Variants in ZNF233 observed in about 807,000 individuals in gnomAD.
The protein encoded by ZNF233 is zinc finger protein 233.
Under a neutral mutation model 11.6 loss-of-function variants are expected in ZNF233, and 7 were observed. The observed-to-expected ratio is 0.60, with a 90% CI of 0.34 to 1.13. The LOEUF is 1.13. Ranked by LOEUF, ZNF233 falls within the 50% of genes most tolerant of loss-of-function variation. ZNF233 has a pLI of 0.03. For missense variants in ZNF233, 711 were observed against 785.5 expected (o/e 0.91, Z 1.13); for synonymous variants, 226 against 268.5 (o/e 0.84, Z 1.55).
rs1343658667 is a variant in ZNF233 at position 44,274,107 on chromosome 19, G to C, written c.1447G>C (p.Asp483His). 1 of 1,613,800 alleles carries C rather than the reference G, an allele frequency of 6.2e-7. No individual in the cohort carries two copies. Among genetic ancestry groups the C allele is most frequent in the Non-Finnish European group, 8.5e-7 (1 of 1,179,930 alleles). ...CACTGGAGAGAAACCCTACAAATGT[G>C]ATGTGTGTGATAAGAACTTCAGCCG... ...IHTGEKPYKC[D>H]VCDKNFSRNS... is the part of the protein sequence containing the mutation. Residue 483 changes from aspartate to histidine, a missense_variant, in exon 5 of 5, where the codon GAT becomes CAT. Asp to His is a moderately conservative substitution (Grantham distance 81). Transcript: ENST00000683810.
rs749038824 is a variant in ZNF233, at chr19:44,274,102, AATGTG to A, written c.1448_1452del (p.Asp483ValfsTer2). On this transcript the variant is annotated frameshift_variant, in exon 5 of 5. Transcript: ENST00000683810. LOFTEE classifies it low-confidence loss of function (END_TRUNC). ...ATCCACACTGGAGAGAAACCCTACA[AATGTG>A]ATGTGTGTGATAAGAACTTCAGCCG... The A allele has an allele frequency of 1.2e-6, 2 of 1,613,962 alleles. No individual in the cohort carries two copies. The highest frequency in any genetic ancestry group is 1.7e-6 in the Non-Finnish European group (2 of 1,179,948).
rs1975303566 is a variant in ZNF233 at position 44,273,585 on chromosome 19, A to G, written c.925A>G (p.Ile309Val). ...SGLPRHQCFH[I>V]GEKCYRNGDS... ...GCTTCCCAGGCATCAGTGTTTCCAC[A>G]TAGGAGAGAAATGCTATAGGAATGG... Residue 309 changes from isoleucine to valine, a missense_variant, in exon 5 of 5, where the codon ATA becomes GTA. By Grantham distance (29) the Ile-to-Val change is conservative. Coordinates refer to ENST00000683810, the MANE Select transcript of ZNF233 (RefSeq NM_001207005.2). 3 of 1,614,208 alleles carry G rather than the reference A, an allele frequency of 1.9e-6. No homozygotes were observed. The highest frequency in any genetic ancestry group is 1.1e-5 in the South Asian group (1 of 91,090).
chr19:44,261,613 C>G (rs1379442964), intron 1 of ZNF233, among the ~76,000 whole-genome samples: 2 of 150,414 alleles, frequency 1.3e-5, no homozygotes, highest in Non-Finnish European at 2.9e-5. Context: ...ACATTATCCA[C>G]AGTCTATGGA....
Position 44,274,399 on chromosome 19 carries a change from A to AGG in ZNF233, c.1739_1740insGG (p.Ala581GlufsTer126). ...GGCTTCAGTTGGAGTTCACATCTTC[A>AGG]AGCCCATCAGAGAGTCCACACAGGA... On this transcript the variant is annotated frameshift_variant, in exon 5 of 5. Transcript: ENST00000683810. LOFTEE classifies it low-confidence loss of function (END_TRUNC). The AGG allele has an allele frequency of 6.2e-7, 1 of 1,614,212 alleles. No individual in the cohort carries two copies. The highest frequency in any genetic ancestry group is 2.2e-5 in the East Asian group (1 of 44,884).
chr19:44,266,717 C>G, intron 3 of ZNF233, 149 bp from the exon 4 acceptor site: 1 of 539,642 alleles, frequency 1.9e-6, no homozygotes, highest in Non-Finnish European at 3.3e-6. Context: ...ATTTGTGTAC[C>G]GGATCACAAA....
At position 44,273,208 on chromosome 19, in the gene ZNF233, G is replaced by C. The variant is rs144014948; in HGVS notation, c.548G>C (p.Trp183Ser). 1.1e-5 allele frequency: 18 copies of C among 1,613,616 alleles called. No individual in the cohort carries two copies. The highest frequency in any genetic ancestry group is 1.4e-5 in the Non-Finnish European group (17 of 1,180,034). ...ELPLRTTWDF[W>S]RKMYLREPQN... ...CCATTGAGGACCACCTGGGATTTCT[G>C]GAGGAAAATGTATCTGAGAGAACCA... The change falls in exon 5 of 5, where the codon TGG becomes TCG. Residue 183 changes from tryptophan to serine, a missense_variant. Coordinates refer to ENST00000683810, the MANE Select transcript of ZNF233 (RefSeq NM_001207005.2).
Position 44,273,116 on chromosome 19 carries a change from T to C in ZNF233, c.456T>C (p.Ser152=). The stretch of plus-strand genomic sequence containing the variant: ...GGACAGGAGAATCTAGTCAGGTCTC[T>C]GAAGATGAGAACTATGTAATAAAGC... ...QVWTGESSQV[S]EDENYVIKLQ... The change falls in exon 5 of 5, where the codon TCT becomes TCC. Residue 152 remains serine, a synonymous_variant. Transcript: ENST00000683810. 1 of 1,613,984 alleles carries C rather than the reference T, an allele frequency of 6.2e-7. No homozygotes were observed. Among genetic ancestry groups the C allele is most frequent in the Admixed American group, 1.7e-5 (1 of 59,990 alleles).
At chr19:44,263,144 C>T (rs2123038526) in intron 1 of ZNF233, among the ~76,000 whole-genome samples, 1 of 152,250 alleles carries the variant, frequency 6.6e-6, no homozygotes, top group African/African-American at 2.4e-5. Flanking sequence ...AAGGCTTTTA[C>T]CCCATTTAAA....
At chr19:44,271,635 G>A (rs1234295743) in intron 4 of ZNF233, among the ~76,000 whole-genome samples, 2 of 151,588 alleles carry the variant, frequency 1.3e-5, no homozygotes, top group African/African-American at 4.9e-5. Context: ...TTGGCCTCCC[G>A]AGTAGCCGGG....
intron 1 of ZNF233, among the ~76,000 whole-genome samples, chr19:44,263,620 T>G (rs1373913963): frequency 6.6e-6 from 1 of 152,210 alleles, no homozygotes; most frequent in Non-Finnish European, 1.5e-5. Flanking sequence ...ATTTATACCT[T>G]TTACAAAACT....
chr19:44,265,362 T>TACAC (rs1329050334), intron 2 of ZNF233, among the ~76,000 whole-genome samples: 50 of 87,546 alleles, frequency 5.7e-4, no homozygotes, highest in Non-Finnish European at 1.1e-3. Context: ...CCATCATATA[T>TACAC]ATATACACAC....
intron 1 of ZNF233, among the ~76,000 whole-genome samples, chr19:44,261,842 AG>A (rs1974947155): frequency 6.6e-6 from 1 of 151,646 alleles, no homozygotes; most frequent in Non-Finnish European, 1.5e-5. Context: ...AGGAGAGATG[AG>A]GTTTCATCAT....
chr19:44,272,660 G>C (rs941363031), intron 4 of ZNF233, among the ~76,000 whole-genome samples: 1 of 152,042 alleles, frequency 6.6e-6, no homozygotes, highest in Non-Finnish European at 1.5e-5. Context: ...GAATGAACCC[G>C]GGAGGTGGAG....
chr19:44,273,185 A>G lies in ZNF233; in HGVS notation c.525A>G (p.Pro175=), dbSNP rs763488737. ...SSNSIKNQEL[P]LRTTWDFWRK... is the part of the protein sequence containing the mutation. ...ATAGCATAAAAAATCAAGAGCTTCC[A>G]TTGAGGACCACCTGGGATTTCTGGA... is the stretch of plus-strand genomic sequence containing the variant. The change falls in exon 5 of 5, where the codon CCA becomes CCG. Residue 175 remains proline, a synonymous_variant. Coordinates refer to ENST00000683810, the MANE Select transcript of ZNF233 (RefSeq NM_001207005.2). 3 of 1,613,842 alleles carry G rather than the reference A, an allele frequency of 1.9e-6. No homozygotes were observed. The highest frequency in any genetic ancestry group is 2.5e-6 in the Non-Finnish European group (3 of 1,180,048).
intron 2 of ZNF233, 36 bp from the exon 3 acceptor site, chr19:44,266,162 C>T (rs1166046654): frequency 6.3e-6 from 10 of 1,580,228 alleles, no homozygotes; most frequent in Middle Eastern, 1.7e-4. Flanking sequence ...CAGTTATTGG[C>T]CATAAGATTG....
Position 44,274,385 on chromosome 19 carries a change from G to C in ZNF233, c.1725G>C (p.Trp575Cys), listed in dbSNP as rs768538023. The C allele has an allele frequency of 1.5e-5, 25 of 1,613,908 alleles. No homozygotes were observed. Among genetic ancestry groups the C allele is most frequent in the African/African-American group, 1.1e-4 (8 of 74,880 alleles). ...KCDVCGKGFS[W>C]SSHLQAHQRV... ...ATGTGTGTGGGAAAGGCTTCAGTTGGAGTTCACATCTTCAAGCCCATCAGA... is the reference window on the plus strand; with the variant it reads ...ATGTGTGTGGGAAAGGCTTCAGTTGCAGTTCACATCTTCAAGCCCATCAGA... The change falls in exon 5 of 5, where the codon TGG becomes TGC. Residue 575 changes from tryptophan (W) to cysteine (C), a missense_variant. Trp to Cys is a radical substitution (Grantham distance 215, BLOSUM62 -2). Transcript: ENST00000683810.
intron 1 of ZNF233, among the ~76,000 whole-genome samples, chr19:44,263,181 A>G (rs1311000379): frequency 6.6e-6 from 1 of 152,218 alleles, no homozygotes; most frequent in Non-Finnish European, 1.5e-5. Context: ...CATATACCAT[A>G]TAATTCACCC....
At position 44,266,245 on chromosome 19, in the gene ZNF233, G is replaced by A; in HGVS notation, c.63G>A (p.Glu21=). Reference sequence around the variant, plus strand: ...TGGCTGTGGTCTTCACCAGGGAGGAGCTGGGGTTGCTGGACCTTGCCCAGA... The same window carrying A: ...TGGCTGTGGTCTTCACCAGGGAGGAACTGGGGTTGCTGGACCTTGCCCAGA... ...KDVAVVFTRE[E]LGLLDLAQRK... Residue 21 remains glutamate (E), a synonymous_variant, in exon 3 of 5, where the codon GAG becomes GAA. Coordinates refer to ENST00000683810, the MANE Select transcript of ZNF233 (RefSeq NM_001207005.2). The A allele has an allele frequency of 6.2e-7, 1 of 1,612,734 alleles. No individual in the cohort carries two copies. Among genetic ancestry groups the A allele is most frequent in the South Asian group, 1.1e-5 (1 of 91,016 alleles).
intron 4 of ZNF233, among the ~76,000 whole-genome samples, chr19:44,271,197 C>T (rs1431162223): frequency 6.6e-6 from 1 of 152,188 alleles, no homozygotes; most frequent in Non-Finnish European, 1.5e-5. Context: ...AAATCTAGCT[C>T]ATCAAATGTA....
Sources: gnomAD v4.1 joint callset for allele counts (sites outside exome capture counted in the v4.1 genomes callset) on GRCh38, gnomAD v4.1.1 for gene constraint, MANE v1.5 for transcripts, NCBI Gene and HGNC (gene_info 2026-07-23, HGNC 2026-07-21) for gene names.